The following CSGALNACT1 variants were observed in gnomAD, a reference collection of about 807,000 sequenced individuals.
CSGALNACT1 encodes the protein beta4GalNAcT-1.
In CSGALNACT1, 52 loss-of-function variants were observed where a neutral mutation model predicts 51.0. The observed-to-expected ratio is 1.02, with a 90% CI of 0.82 to 1.29. CSGALNACT1 has a LOEUF of 1.29. Ranked by LOEUF, CSGALNACT1 falls within the 50% of genes most tolerant of loss-of-function variation. The pLI is 0.00. For missense variants in CSGALNACT1, 935 were observed against 679.2 expected (o/e 1.38, Z -4.19); for synonymous variants, 341 against 254.4 (o/e 1.34, Z -3.24).
chr8:19,615,191 C>G (rs991555028), intron 1 of CSGALNACT1, among the ~76,000 whole-genome samples: 8 of 152,172 alleles, frequency 5.3e-5, no homozygotes, highest in Admixed American at 3.3e-4. Flanking sequence ...GTAATCCCAG[C>G]TACTCGGAGG....
At chr8:19,692,496 G>A (rs1436413217) in intron 1 of CSGALNACT1, among the ~76,000 whole-genome samples, 1 of 152,182 alleles carries the variant, frequency 6.6e-6, no homozygotes, top group Non-Finnish European at 1.5e-5. Flanking sequence ...TGATGATGAT[G>A]ATGGGGAGGA....
chr8:19,586,405 T>TG (rs1327765713), intron 3 of CSGALNACT1, among the ~76,000 whole-genome samples: 1 of 126,908 alleles, frequency 7.9e-6, no homozygotes. Context: ...CGTAGTCTTA[T>TG]AGAAAAAAAA....
chr8:19,511,350 T>C (rs1262797377), intron 3 of CSGALNACT1, among the ~76,000 whole-genome samples: 1 of 152,178 alleles, frequency 6.6e-6, no homozygotes, highest in African/African-American at 2.4e-5. Flanking sequence ...CTTGGGCACA[T>C]ACAATCAGCT....
intron 2 of CSGALNACT1, among the ~76,000 whole-genome samples, chr8:19,595,750 A>G (rs2048748776): frequency 6.6e-6 from 1 of 152,056 alleles, no homozygotes; most frequent in Admixed American, 6.6e-5. Flanking sequence ...AGAGGTTATA[A>G]TTCTTTCCTT....
chr8:19,486,569 G>T (rs1277040136), intron 4 of CSGALNACT1, among the ~76,000 whole-genome samples: 3 of 152,100 alleles, frequency 2.0e-5, no homozygotes, highest in African/African-American at 7.2e-5. Flanking sequence ...CACACTAGCT[G>T]TTCCTTCCAT....
At chr8:19,513,999 A>T (rs1015986712) in intron 3 of CSGALNACT1, among the ~76,000 whole-genome samples, 3 of 152,150 alleles carry the variant, frequency 2.0e-5, no homozygotes, top group African/African-American at 7.2e-5. Flanking sequence ...GAAGTTTCAG[A>T]GCAGGGTTTT....
chr8:19,450,930 A>T (rs374768184), intron 5 of CSGALNACT1, among the ~76,000 whole-genome samples: 1 of 152,074 alleles, frequency 6.6e-6, no homozygotes, highest in Non-Finnish European at 1.5e-5. Flanking sequence ...AAAAAAATAA[A>T]AAATAATAAA....
chr8:19,461,218 G>A (rs899710938), intron 4 of CSGALNACT1, among the ~76,000 whole-genome samples: 3 of 152,220 alleles, frequency 2.0e-5, no homozygotes, highest in Non-Finnish European at 4.4e-5. Context: ...TTCTTAGAAA[G>A]CTCAAAGGAC....
upstream of CSGALNACT1, among the ~76,000 whole-genome samples, chr8:19,684,080 C>T (rs1002324278): frequency 6.6e-6 from 1 of 152,068 alleles, no homozygotes; most frequent in Non-Finnish European, 1.5e-5. Flanking sequence ...GCAGGAGAAT[C>T]GTATGAGCCT....
chr8:19,566,177 T>G (rs181323203), intron 3 of CSGALNACT1, among the ~76,000 whole-genome samples: 71 of 152,346 alleles, frequency 4.7e-4, no homozygotes, highest in Admixed American at 2.0e-3. Flanking sequence ...CTGGATTATC[T>G]GGATGGGTCC....
In CSGALNACT1 at chr8:19,512,273, C is replaced by G. The variant is rs113714122; in HGVS notation, c.-296-6143G>C. ...TAGCAAGGAACAGAGGCAGGCCTGC[C>G]GGCAACCCCCTGAAAGAGCTTGAAA... On this transcript the variant is annotated intron_variant, in intron 3 of 9. Coordinates refer to ENST00000454498, the Ensembl canonical transcript of CSGALNACT1. 3.4e-3 allele frequency among the ~76,000 whole-genome samples: 524 copies of G among 152,258 alleles called. 2 individuals carry two copies. Among genetic ancestry groups the G allele is most frequent in the African/African-American group, 0.012 (503 of 41,530 alleles).
intron 1 of CSGALNACT1, among the ~76,000 whole-genome samples, chr8:19,612,787 C>T (rs1252787037): frequency 6.6e-6 from 1 of 151,756 alleles, no homozygotes; most frequent in African/African-American, 2.4e-5. Context: ...TCTCTCTTTG[C>T]ACTAAAAACA....
rs185539309 is a variant in CSGALNACT1, at chr8:19,635,537, T to C, written c.-543-33672A>G. Reference sequence around the variant, plus strand: ...GCTGCTTCTGTGTCCAACTTCCTTGTTGCCTCCCCCTTGTCTGTAGTCTCA... The same window carrying C: ...GCTGCTTCTGTGTCCAACTTCCTTGCTGCCTCCCCCTTGTCTGTAGTCTCA... On this transcript the variant is annotated intron_variant, in intron 1 of 9. Coordinates refer to the CSGALNACT1 transcript ENST00000332246. Among the ~76,000 whole-genome samples the C allele has an allele frequency of 4.1e-3, 630 of 152,286 alleles. 7 individuals are homozygous for C. The highest frequency in any genetic ancestry group is 0.014 in the African/African-American group (595 of 41,552).
At chr8:19,435,909 T>G (rs2060301526) in intron 6 of CSGALNACT1, among the ~76,000 whole-genome samples, 1 of 152,096 alleles carries the variant, frequency 6.6e-6, no homozygotes, top group Non-Finnish European at 1.5e-5. Flanking sequence ...CACATTGAAA[T>G]TAAACTTTCA....
At chr8:19,566,016 G>T in intron 3 of CSGALNACT1, among the ~76,000 whole-genome samples, 1 of 152,184 alleles carries the variant, frequency 6.6e-6, no homozygotes, top group East Asian at 1.9e-4. Flanking sequence ...CAGCTTCCAC[G>T]TTGTAAATAG....
intron 3 of CSGALNACT1, among the ~76,000 whole-genome samples, chr8:19,588,403 T>A (rs937932931): frequency 6.6e-6 from 1 of 152,204 alleles, no homozygotes; most frequent in African/African-American, 2.4e-5. Context: ...TAGAGTATTA[T>A]TTGATTCCAA....
intron 1 of CSGALNACT1, among the ~76,000 whole-genome samples, chr8:19,690,619 G>C (rs982902208): frequency 6.6e-6 from 1 of 152,174 alleles, no homozygotes; most frequent in Non-Finnish European, 1.5e-5. Context: ...GTTCAAATTT[G>C]CTTGATCATA....
At chr8:19,654,225 A>C (rs564649399) in intron 1 of CSGALNACT1, among the ~76,000 whole-genome samples, 2 of 152,232 alleles carry the variant, frequency 1.3e-5, no homozygotes, top group African/African-American at 2.4e-5. Context: ...AATTCAAAAT[A>C]AACAACAGAA....
At chr8:19,755,899 G>A (rs535497919) in intron 1 of CSGALNACT1, among the ~76,000 whole-genome samples, 5 of 152,304 alleles carry the variant, frequency 3.3e-5, no homozygotes, top group Admixed American at 2.0e-4. Flanking sequence ...AAATATGTAC[G>A]GTGATCTTAC....
Sources: allele counts gnomAD v4.1 joint callset (sites outside exome capture counted in the v4.1 genomes callset), GRCh38; gene constraint gnomAD v4.1.1; transcripts MANE v1.5; gene names NCBI Gene and HGNC (gene_info 2026-07-23, HGNC 2026-07-21).